The following CAMK2A variants were observed in gnomAD, a reference collection of about 807,000 sequenced individuals.
CAMK2A encodes calcium/calmodulin-dependent protein kinase type II subunit alpha.
A neutral mutation model predicts 79.2 loss-of-function variants in CAMK2A; 7 were observed. That is an observed-to-expected ratio of 0.09 (90% CI 0.05 to 0.17). The LOEUF is 0.17. Among genes scored for constraint, CAMK2A ranks in the 10% least tolerant of loss-of-function variants. The probability of loss-of-function intolerance (pLI) is 1.00; values close to 1 mark genes in which losing one functional copy is unlikely to be tolerated. For synonymous variants in CAMK2A, 242 were observed against 251.7 expected (o/e 0.96, Z 0.36); for missense variants, 214 against 646.4 (o/e 0.33, Z 7.25).
chr5:150,241,209 C>A (rs1755319596), intron 13 of CAMK2A, among the ~76,000 whole-genome samples: 1 of 152,204 alleles, frequency 6.6e-6, no homozygotes. Flanking sequence ...CCCGTGTGCT[C>A]ACAGGGGCAT....
chr5:150,277,199 G>A (rs546522885), intron 1 of CAMK2A, among the ~76,000 whole-genome samples: 1 of 152,324 alleles, frequency 6.6e-6, no homozygotes, highest in Non-Finnish European at 1.5e-5. Flanking sequence ...GGGTGACAGA[G>A]CAAGACTCTG....
intron 1 of CAMK2A, among the ~76,000 whole-genome samples, chr5:150,279,644 T>C (rs1052559216): frequency 6.6e-6 from 1 of 152,126 alleles, no homozygotes; most frequent in African/African-American, 2.4e-5. Flanking sequence ...AAGGTGGACG[T>C]GTGTGGGAGC....
chr5:150,230,924 T>G (rs1456410567), intron 16 of CAMK2A, among the ~76,000 whole-genome samples: 1 of 152,174 alleles, frequency 6.6e-6, no homozygotes, highest in Non-Finnish European at 1.5e-5. Flanking sequence ...TCAGGCCTAC[T>G]GGGCAGGAAT....
At position 150,221,627 on chromosome 5, in the gene CAMK2A, C is replaced by T. The variant is rs982586830; in HGVS notation, c.*1083G>A. The stretch of plus-strand genomic sequence containing the variant: ...TGCTGGCATCTGATGCTTCCACAGT[C>T]CCAAAAGGAACGCCTGTGTCAGCTC... On this transcript the variant is annotated 3_prime_UTR_variant, in exon 19 of 19. Transcript: ENST00000671881. The T allele has an allele frequency of 1.0e-5, 4 of 398,564 alleles. No individual in the cohort carries two copies. Among genetic ancestry groups the T allele is most frequent in the East Asian group, 3.5e-5 (1 of 28,188 alleles). The allele number at this position is 398,564 out of a possible 1,614,324, so 24.7% of individuals were successfully genotyped here. A position where few individuals can be genotyped will look rare whatever the true frequency, so the allele number is the denominator to read the frequency against.
At chr5:150,265,251 G>A (rs75245941) in intron 2 of CAMK2A, 39 of 507,204 alleles carry the variant, frequency 7.7e-5, no homozygotes, top group Non-Finnish European at 1.2e-4. Context: ...TCTGGCCTCC[G>A]TTTCCATGAT....
At chr5:150,290,072 C>G (rs1562215152), upstream of CAMK2A, 2 of 155,490 alleles carry the variant, frequency 1.3e-5, no homozygotes, top group African/African-American at 4.8e-5. Flanking sequence ...TTTCTCTTCC[C>G]ACCTCCCCCA....
chr5:150,270,586 A>AC (rs1364682675), intron 2 of CAMK2A, among the ~76,000 whole-genome samples: 3 of 145,990 alleles, frequency 2.1e-5, no homozygotes, highest in Admixed American at 6.8e-5. Flanking sequence ...TTCAGCATTA[A>AC]CCCCCCCTCC....
In CAMK2A at chr5:150,256,871, A is replaced by G; in HGVS notation, c.273-40T>C. On this transcript the variant is annotated intron_variant, in intron 4 of 18. Transcript: ENST00000671881. The surrounding 1 kb of genome is among the most constrained non-coding windows in gnomAD (Gnocchi z 4.6). Reference sequence around the variant, plus strand: ...ATGGAATCACCCTCTAATAGAGGCGACAGGTGCTGCCTCATCTGGAGGAGT... The same window carrying G: ...ATGGAATCACCCTCTAATAGAGGCGGCAGGTGCTGCCTCATCTGGAGGAGT... The G allele has an allele frequency of 6.5e-7, 1 of 1,539,562 alleles. No homozygotes were observed. Among genetic ancestry groups the G allele is most frequent in the Non-Finnish European group, 8.9e-7 (1 of 1,117,496 alleles).
At position 150,284,348 on chromosome 5, in the gene CAMK2A, T is replaced by C. The variant is rs1327750593; in HGVS notation, c.62+5216A>G. Among the ~76,000 whole-genome samples the C allele has an allele frequency of 6.6e-6, 1 of 152,094 alleles. No homozygotes were observed. Among genetic ancestry groups the C allele is most frequent in the African/African-American group, 2.4e-5 (1 of 41,392 alleles). ...CTCCCGTGAGCTGTGTGAAGACGCA[T>C]GTGTGTGTGTGAGCACGCATGCATC... On this transcript the variant is annotated intron_variant, in intron 1 of 18. Coordinates refer to ENST00000671881, the MANE Select transcript of CAMK2A (RefSeq NM_015981.4). This position sits in a 1 kb window ranked among gnomAD's most constrained non-coding sequence, Gnocchi z 5.3.
intron 15 of CAMK2A, among the ~76,000 whole-genome samples, chr5:150,237,626 T>C (rs1039904069): frequency 6.6e-6 from 1 of 151,870 alleles, no homozygotes; most frequent in Admixed American, 6.6e-5. Context: ...CCTAGCCACA[T>C]CCTTGTGAGC....
At chr5:150,238,832 G>A (rs1755211420) in intron 14 of CAMK2A, 84 bp from the exon 15 acceptor site, 3 of 1,216,968 alleles carry the variant, frequency 2.5e-6, no homozygotes, top group Non-Finnish European at 3.4e-6. Flanking sequence ...TGGTGACGCG[G>A]CTGGTTTCTG....
At chr5:150,282,904 G>A (rs916802632) in intron 1 of CAMK2A, among the ~76,000 whole-genome samples, 26 of 152,254 alleles carry the variant, frequency 1.7e-4, no homozygotes, top group African/African-American at 5.8e-4. Context: ...TGGGATGCAG[G>A]AGCAGTTCTG....
intron 11 of CAMK2A, among the ~76,000 whole-genome samples, chr5:150,249,040 G>C (rs1305064875): frequency 6.6e-6 from 1 of 152,218 alleles, no homozygotes; most frequent in Admixed American, 6.5e-5. Flanking sequence ...GCAGGATGGG[G>C]ATGGGACTCA....
chr5:150,257,423 A>G (rs1229150081), intron 4 of CAMK2A, 140 bp downstream of exon 4: 6 of 699,076 alleles, frequency 8.6e-6, no homozygotes, highest in Non-Finnish European at 1.6e-5. Flanking sequence ...GTCAGCTTGC[A>G]CTGCTTGGGT....
intron 3 of CAMK2A, among the ~76,000 whole-genome samples, chr5:150,258,973 C>A (rs1968435): frequency 0.55 from 82,982 of 151,692 alleles, 23,986 homozygotes; most frequent in African/African-American, 0.76. Context: ...TGAGGTCAGG[C>A]GTTTGAGACC....
chr5:150,264,521 GC>G (rs1422144907), intron 3 of CAMK2A, among the ~76,000 whole-genome samples: 4 of 152,228 alleles, frequency 2.6e-5, no homozygotes, highest in African/African-American at 9.6e-5. Context: ...CGGCCTGTGG[GC>G]CAGGGCCTGA....
intron 2 of CAMK2A, among the ~76,000 whole-genome samples, chr5:150,268,240 A>G (rs1756598267): frequency 6.6e-6 from 1 of 151,968 alleles, no homozygotes; most frequent in Non-Finnish European, 1.5e-5. Context: ...CAGCTTCCCA[A>G]TATACTTAGA....
intron 15 of CAMK2A, among the ~76,000 whole-genome samples, chr5:150,235,289 T>C (rs1580903662): frequency 6.6e-6 from 1 of 152,322 alleles, no homozygotes. Context: ...TGGTGCTTCT[T>C]ACATCTGGAA....
chr5:150,246,851 C>T (rs1056452566), intron 12 of CAMK2A, among the ~76,000 whole-genome samples: 1 of 152,242 alleles, frequency 6.6e-6, no homozygotes, highest in Non-Finnish European at 1.5e-5. Flanking sequence ...CAGAGCTGCC[C>T]TCTTGCTGTG....
Sources: allele counts gnomAD v4.1 joint callset (sites outside exome capture counted in the v4.1 genomes callset), GRCh38; gene constraint gnomAD v4.1.1; non-coding constraint Gnocchi (gnomAD v3.1); transcripts MANE v1.5; gene names NCBI Gene and HGNC (gene_info 2026-07-23, HGNC 2026-07-21).